The following OOSP4B variants were observed in gnomAD, a reference collection of about 807,000 sequenced individuals.
OOSP4B encodes oocyte secreted protein family member 4B.
intron 1 of OOSP4B, among the ~76,000 whole-genome samples, chr11:60,023,131 T>G (rs1854710768): frequency 6.6e-6 from 1 of 152,222 alleles, no homozygotes; most frequent in Admixed American, 6.5e-5. Flanking sequence ...AATGACTACG[T>G]TCACTCTAAA....
At chr11:60,023,302 A>G (rs1273621969) in intron 1 of OOSP4B, among the ~76,000 whole-genome samples, 11 of 152,286 alleles carry the variant, frequency 7.2e-5, no homozygotes, top group Non-Finnish European at 1.5e-5. Context: ...TACAAAACAC[A>G]CATCAGTTCC....
chr11:60,030,400 AT>A (rs1854795142), intron 4 of OOSP4B, among the ~76,000 whole-genome samples: 1 of 152,170 alleles, frequency 6.6e-6, no homozygotes, highest in African/African-American at 2.4e-5. Context: ...ACTCTTTTTA[AT>A]CAGGATTTTT....
intron 1 of OOSP4B, among the ~76,000 whole-genome samples, chr11:60,018,771 T>G (rs1282885491): frequency 6.6e-6 from 1 of 152,222 alleles, no homozygotes; most frequent in Admixed American, 6.5e-5. Context: ...TTTCAATGCC[T>G]TAATGTCTTT....
At position 60,019,939 on chromosome 11, in the gene OOSP4B, A is replaced by G. The variant is rs527627170; in HGVS notation, c.22+2526A>G. Among the ~76,000 whole-genome samples the G allele has an allele frequency of 4.5e-4, 69 of 152,156 alleles. 2 individuals carry two copies. In the South Asian group the frequency reaches 0.014, roughly 31 times the overall value. ...GTTTACAATCCCTGAGCTAGACACA[A>G]AAGTTCTCCACATGCCCACTAGATT... On this transcript the variant is annotated intron_variant, in intron 1 of 4. Coordinates refer to ENST00000642343, the Ensembl canonical transcript of OOSP4B.
At chr11:60,025,482 A>C (rs1434335412) in intron 3 of OOSP4B, among the ~76,000 whole-genome samples, 2 of 152,190 alleles carry the variant, frequency 1.3e-5, no homozygotes, top group Non-Finnish European at 2.9e-5. Context: ...CTGCAGCCAC[A>C]CCTCACTGTT....
intron 1 of OOSP4B, among the ~76,000 whole-genome samples, chr11:60,018,888 C>A (rs147127575): frequency 6.6e-6 from 1 of 152,112 alleles, no homozygotes; most frequent in Non-Finnish European, 1.5e-5. Context: ...TTAGACGAAT[C>A]TAGGGAAACT....
chr11:60,021,082 C>T (rs1407411508), intron 1 of OOSP4B, among the ~76,000 whole-genome samples: 1 of 152,200 alleles, frequency 6.6e-6, no homozygotes, highest in Non-Finnish European at 1.5e-5. Flanking sequence ...GAAATCTGGC[C>T]TCTCATCTAT....
At chr11:60,026,358 C>T (rs1328564821) in intron 3 of OOSP4B, among the ~76,000 whole-genome samples, 2 of 152,140 alleles carry the variant, frequency 1.3e-5, no homozygotes, top group Admixed American at 6.5e-5. Context: ...TAGGGACATC[C>T]TGTTGATACA....
In OOSP4B at chr11:60,020,355, G is replaced by T. The variant is rs532607769; in HGVS notation, c.22+2942G>T. 2.8e-4 allele frequency among the ~76,000 whole-genome samples: 43 copies of T among 152,292 alleles called. No individual in the cohort carries two copies. In the South Asian group the frequency reaches 4.1e-3, roughly 15 times the overall value. On this transcript the variant is annotated intron_variant, in intron 1 of 4. Transcript: ENST00000642343. The stretch of plus-strand genomic sequence containing the variant: ...TCCTGCCGCTGCAGGAGCCCACGGT[G>T]GGGGAGGAGGCTCAGGCATGGCGGG...
rs61649958 is a variant in OOSP4B, at chr11:60,027,655, T to TAAAAA, written c.303-2106_303-2102dup. Among the ~76,000 whole-genome samples, 144 of 62,220 alleles carry TAAAAA rather than the reference T, an allele frequency of 2.3e-3. 5 individuals carry two copies. The highest frequency in any genetic ancestry group is 6.0e-3 in the African/African-American group (129 of 21,598). The allele number at this position is 62,220 out of a possible 152,430, so 40.8% of individuals were successfully genotyped here. On this transcript the variant is annotated intron_variant, in intron 3 of 4. Transcript: ENST00000642343. ...TCTAAGCAGGTAAAGGCTATGATAT[T>TAAAAA]AAAAAAAAAAAAAAAAAAAAAAAAA...
chr11:60,019,384 C>T (rs755775340), intron 1 of OOSP4B: 14 of 177,796 alleles, frequency 7.9e-5, no homozygotes, highest in African/African-American at 4.8e-5. Flanking sequence ...TGTAGTGGTG[C>T]ATGTGTGTCC....
chr11:60,024,711 T>G (rs1854728117), intron 2 of OOSP4B, among the ~76,000 whole-genome samples, 197 bp from the exon 3 acceptor site: 1 of 152,162 alleles, frequency 6.6e-6, no homozygotes, highest in Non-Finnish European at 1.5e-5. Context: ...CATCTGGTAT[T>G]AGAGATGGGG....
chr11:60,020,514 G>T (rs1421321443), intron 1 of OOSP4B, among the ~76,000 whole-genome samples: 1 of 152,232 alleles, frequency 6.6e-6, no homozygotes, highest in Admixed American at 6.5e-5. Flanking sequence ...GGCTCCGAGT[G>T]TGGGGCAGCG....
chr11:60,020,425 A>G (rs1854678131), intron 1 of OOSP4B, among the ~76,000 whole-genome samples: 1 of 152,120 alleles, frequency 6.6e-6, no homozygotes, highest in African/African-American at 2.4e-5. Flanking sequence ...GATAAGGCCT[A>G]GCGAGAAGTC....
intron 1 of OOSP4B, among the ~76,000 whole-genome samples, chr11:60,019,800 T>G (rs1854669126): frequency 6.6e-6 from 1 of 152,232 alleles, no homozygotes; most frequent in African/African-American, 2.4e-5. Flanking sequence ...GGGTTGCCAG[T>G]GCTGGTTCAG....
At chr11:60,024,300 G>T (rs753955277) in intron 2 of OOSP4B, among the ~76,000 whole-genome samples, 29 of 152,194 alleles carry the variant, frequency 1.9e-4, no homozygotes, top group Non-Finnish European at 2.9e-4. Context: ...ACCACTTTGG[G>T]AGGCTGGGGT....
At chr11:60,027,655 TAAAAAAAAAAA>T (rs61649958) in intron 3 of OOSP4B, among the ~76,000 whole-genome samples, 1 of 62,222 alleles carries the variant, frequency 1.6e-5, no homozygotes, top group Non-Finnish European at 3.3e-5. Flanking sequence ...GCTATGATAT[TAAAAAAAAAAA>T]AAAAAAAAAA....
intron 1 of OOSP4B, among the ~76,000 whole-genome samples, chr11:60,023,443 T>A (rs1425623159): frequency 6.6e-6 from 1 of 152,218 alleles, no homozygotes; most frequent in Non-Finnish European, 1.5e-5. Context: ...AATTTTAATG[T>A]CTTTTTTTGA....
At chr11:60,021,342 C>T (rs1186010569) in intron 1 of OOSP4B, 1 of 152,156 alleles carries the variant, frequency 6.6e-6, no homozygotes, top group Non-Finnish European at 1.5e-5. Context: ...ACAAATTACT[C>T]ACCAACTAGC....
Sources: allele counts gnomAD v4.1 joint callset (sites outside exome capture counted in the v4.1 genomes callset), GRCh38; gene constraint gnomAD v4.1.1; transcripts MANE v1.5; gene names NCBI Gene and HGNC (gene_info 2026-07-23, HGNC 2026-07-21).